Variants in SEMA6D observed in about 807,000 individuals in gnomAD.
The protein encoded by SEMA6D is semaphorin-6D.
Under a neutral mutation model 106.6 loss-of-function variants are expected in SEMA6D, and 35 were observed. The observed-to-expected ratio is 0.33, with a 90% CI of 0.25 to 0.44. The LOEUF (loss-of-function observed/expected upper bound fraction) is 0.44. Among genes scored for constraint, SEMA6D ranks in the 20% least tolerant of loss-of-function variants. The pLI is 1.00. For missense variants in SEMA6D, 1,185 were observed against 1,345.9 expected (o/e 0.88, Z 1.87); for synonymous variants, 499 against 487.7 (o/e 1.02, Z -0.31).
At chr15:47,279,358 A>AT (rs1290976313) in intron 1 of SEMA6D, among the ~76,000 whole-genome samples, 1 of 131,162 alleles carries the variant, frequency 7.6e-6, no homozygotes, top group East Asian at 2.2e-4. Flanking sequence ...AATGCTTGTG[A>AT]TTTTTGTACA....
At chr15:47,382,369 G>C (rs1040362980) in intron 1 of SEMA6D, among the ~76,000 whole-genome samples, 3 of 152,108 alleles carry the variant, frequency 2.0e-5, no homozygotes, top group Admixed American at 1.3e-4. Context: ...AATTAGCCAG[G>C]CATGGTGGCG....
rs548949327 is a variant in SEMA6D at position 47,748,965 on chromosome 15, G to C, written c.-54-10780G>C. Among the ~76,000 whole-genome samples the C allele has an allele frequency of 3.9e-5, 6 of 152,172 alleles. No individual in the cohort carries two copies. In the South Asian group the frequency reaches 8.3e-4, roughly 21 times the overall value. On this transcript the variant is annotated intron_variant, in intron 1 of 18. Coordinates refer to ENST00000536845, the MANE Select transcript of SEMA6D (RefSeq NM_001358351.3). The stretch of plus-strand genomic sequence containing the variant: ...GATGTACTGACAGGTTCAAAGGAGA[G>C]GATGATGGAGACGGGGCCGTCTAGG...
At chr15:47,345,323 A>G (rs1246713524) in intron 1 of SEMA6D, among the ~76,000 whole-genome samples, 1 of 152,196 alleles carries the variant, frequency 6.6e-6, no homozygotes, top group Non-Finnish European at 1.5e-5. Context: ...GGCTTATTAT[A>G]AAGCTGCAGT....
At chr15:47,473,621 G>A (rs994727564) in intron 3 of SEMA6D, among the ~76,000 whole-genome samples, 9 of 152,140 alleles carry the variant, frequency 5.9e-5, no homozygotes, top group African/African-American at 2.2e-4. Flanking sequence ...ATGCGTTAGA[G>A]AATTGGGGTT....
chr15:47,693,281 C>T (rs528349258), intron 4 of SEMA6D, among the ~76,000 whole-genome samples: 1 of 152,242 alleles, frequency 6.6e-6, no homozygotes, highest in South Asian at 2.1e-4. Flanking sequence ...ACAGACTCTT[C>T]CCTCAAAGCT....
At chr15:47,220,799 CAT>C (rs1295355454) in intron 1 of SEMA6D, among the ~76,000 whole-genome samples, 7 of 152,184 alleles carry the variant, frequency 4.6e-5, no homozygotes, top group Non-Finnish European at 1.0e-4. Context: ...GTAAAATACA[CAT>C]CTCTAGAAAA....
At chr15:47,408,193 C>T (rs1943858590) in intron 1 of SEMA6D, among the ~76,000 whole-genome samples, 1 of 152,054 alleles carries the variant, frequency 6.6e-6, no homozygotes. Context: ...TCAGACAGGC[C>T]TGGGATTGAG....
chr15:47,377,340 A>C (rs559843360), intron 1 of SEMA6D, among the ~76,000 whole-genome samples: 1 of 152,286 alleles, frequency 6.6e-6, no homozygotes, highest in South Asian at 2.1e-4. Flanking sequence ...CACATGGGGA[A>C]ATTCAGTAAT....
intron 1 of SEMA6D, among the ~76,000 whole-genome samples, chr15:47,205,602 T>TA (rs1290594350): frequency 6.6e-6 from 1 of 152,170 alleles, no homozygotes; most frequent in Admixed American, 6.5e-5. Context: ...GAGGTTCTGG[T>TA]AAAAAATGCT....
intron 1 of SEMA6D, among the ~76,000 whole-genome samples, chr15:47,310,651 T>C (rs556328530): frequency 6.6e-6 from 1 of 152,282 alleles, no homozygotes; most frequent in African/African-American, 2.4e-5. Context: ...ATCTGGGTAC[T>C]AGAAATTTTT....
At chr15:47,283,821 A>G (rs1415589923) in intron 1 of SEMA6D, among the ~76,000 whole-genome samples, 1 of 152,190 alleles carries the variant, frequency 6.6e-6, no homozygotes, top group East Asian at 1.9e-4. Flanking sequence ...GCACAGGCAA[A>G]CCATTCACAG....
At chr15:47,286,664 T>C (rs1454838) in intron 1 of SEMA6D, among the ~76,000 whole-genome samples, 150,637 of 152,178 alleles carry the variant, frequency 0.99, 74,566 homozygotes, top group Middle Eastern at 1. Context: ...TGGCCTCCCA[T>C]AGATAGGCAT....
At chr15:47,623,625 A>C (rs1054280542) in intron 4 of SEMA6D, among the ~76,000 whole-genome samples, 3 of 152,178 alleles carry the variant, frequency 2.0e-5, no homozygotes, top group Non-Finnish European at 4.4e-5. Flanking sequence ...GATCAGTTTC[A>C]TTTTCTCCCA....
chr15:47,255,074 T>C (rs1210746599), intron 1 of SEMA6D, among the ~76,000 whole-genome samples: 1 of 152,174 alleles, frequency 6.6e-6, no homozygotes, highest in African/African-American at 2.4e-5. Flanking sequence ...ATCAGGTTCT[T>C]GGCTTCTATT....
At chr15:47,338,941 A>G (rs554253716) in intron 1 of SEMA6D, 2 of 152,358 alleles carry the variant, frequency 1.3e-5, no homozygotes, top group Non-Finnish European at 2.9e-5. Context: ...AATGCTACAT[A>G]GAAAGGACAA....
intron 4 of SEMA6D, among the ~76,000 whole-genome samples, chr15:47,655,545 C>A (rs1445528545): frequency 6.6e-6 from 1 of 152,174 alleles, no homozygotes; most frequent in East Asian, 1.9e-4. Flanking sequence ...GTGAGCATTG[C>A]ACCTTATTTT....
intron 3 of SEMA6D, among the ~76,000 whole-genome samples, chr15:47,528,656 C>T (rs114741152): frequency 0.014 from 2,114 of 152,282 alleles, 50 homozygotes; most frequent in African/African-American, 0.049. Context: ...AAAGGCCCTC[C>T]TTTAAGGTTG....
At chr15:47,466,399 C>A (rs1446045393) in intron 2 of SEMA6D, among the ~76,000 whole-genome samples, 2 of 152,156 alleles carry the variant, frequency 1.3e-5, no homozygotes, top group South Asian at 4.1e-4. Context: ...TAGGTGAGAT[C>A]ATGCAGTATT....
chr15:47,725,049 T>C (rs1439634228), intron 1 of SEMA6D, among the ~76,000 whole-genome samples: 2 of 152,336 alleles, frequency 1.3e-5, no homozygotes, highest in East Asian at 1.9e-4. Flanking sequence ...GAAAAGGCTT[T>C]AGATGTAGAT....
Sources: gnomAD v4.1 joint callset for allele counts (sites outside exome capture counted in the v4.1 genomes callset) on GRCh38, gnomAD v4.1.1 for gene constraint, MANE v1.5 for transcripts, NCBI Gene and HGNC (gene_info 2026-07-23, HGNC 2026-07-21) for gene names.